Variants in DNAJC1 observed in about 807,000 individuals in gnomAD.
The protein encoded by DNAJC1 is dnaJ homolog subfamily C member 1.
Under a neutral mutation model 76.6 loss-of-function variants are expected in DNAJC1, and 58 were observed. The ratio of observed to expected loss-of-function variants is 0.76; its 90% CI spans 0.61 to 0.94. DNAJC1 has a LOEUF of 0.94. Ranked by LOEUF, DNAJC1 falls within the 40% of genes least tolerant of loss-of-function variation. The pLI is 0.00. For synonymous variants in DNAJC1, 258 were observed against 267.9 expected (o/e 0.96, Z 0.36); for missense variants, 689 against 677.3 (o/e 1.02, Z -0.19).
At chr10:21,839,656 G>A (rs563876941) in intron 8 of DNAJC1, among the ~76,000 whole-genome samples, 1 of 152,064 alleles carries the variant, frequency 6.6e-6, no homozygotes, top group Non-Finnish European at 1.5e-5. Context: ...ATTCACAGCC[G>A]AATTCTACCA....
intron 8 of DNAJC1, among the ~76,000 whole-genome samples, chr10:21,813,175 CCTCTCTCTCTCT>C (rs532971786): frequency 0.017 from 475 of 28,284 alleles, 14 homozygotes; most frequent in African/African-American, 0.047. Flanking sequence ...TCTCTCTCTC[CCTCTCTCTCTCT>C]CTCTCTCTCT....
intron 3 of DNAJC1, 123 bp from the exon 4 acceptor site, chr10:21,921,086 A>G: frequency 1.2e-6 from 1 of 826,668 alleles, no homozygotes; most frequent in Non-Finnish European, 1.8e-6. Flanking sequence ...ATGTTTATGT[A>G]CGTTCCCAGC....
At chr10:21,993,018 T>C (rs942206474) in intron 1 of DNAJC1, among the ~76,000 whole-genome samples, 2 of 152,222 alleles carry the variant, frequency 1.3e-5, no homozygotes, top group Non-Finnish European at 2.9e-5. Flanking sequence ...CTTTTGTTTC[T>C]ACGAGAGCTA....
intron 8 of DNAJC1, among the ~76,000 whole-genome samples, chr10:21,860,572 T>C (rs573756944): frequency 6.6e-5 from 10 of 152,142 alleles, no homozygotes; most frequent in African/African-American, 2.4e-4. Context: ...TGCGCACCTG[T>C]AACCTCAGCT....
At chr10:21,803,133 G>A (rs1398757108) in intron 9 of DNAJC1, among the ~76,000 whole-genome samples, 1 of 152,028 alleles carries the variant, frequency 6.6e-6, no homozygotes, top group Non-Finnish European at 1.5e-5. Flanking sequence ...GAATAAAAAG[G>A]TTTTTAACTG....
chr10:21,948,916 G>C (rs542344626), intron 1 of DNAJC1, among the ~76,000 whole-genome samples: 1 of 152,308 alleles, frequency 6.6e-6, no homozygotes, highest in Admixed American at 6.5e-5. Flanking sequence ...TTCTAGGATA[G>C]AGATGCCAGT....
chr10:21,799,374 T>C (rs976048745), intron 9 of DNAJC1, among the ~76,000 whole-genome samples: 2 of 151,956 alleles, frequency 1.3e-5, no homozygotes, highest in African/African-American at 4.8e-5. Flanking sequence ...ACATGACTCA[T>C]TGCAACCTCG....
At chr10:21,899,148 C>A (rs1246006362) in intron 7 of DNAJC1, among the ~76,000 whole-genome samples, 1 of 152,172 alleles carries the variant, frequency 6.6e-6, no homozygotes, top group Non-Finnish European at 1.5e-5. Context: ...TCAGGAGATC[C>A]CCTCAAGAGC....
At chr10:21,825,681 C>T (rs1835236419) in intron 8 of DNAJC1, among the ~76,000 whole-genome samples, 1 of 152,214 alleles carries the variant, frequency 6.6e-6, no homozygotes, top group Non-Finnish European at 1.5e-5. Flanking sequence ...TCCATGCCTT[C>T]ACATTTCTTT....
At chr10:21,807,163 G>T (rs373972116) in intron 8 of DNAJC1, among the ~76,000 whole-genome samples, 3 of 152,124 alleles carry the variant, frequency 2.0e-5, no homozygotes, top group African/African-American at 4.8e-5. Context: ...AAGAAAGAGG[G>T]AAAGAAGGAA....
chr10:21,855,541 G>A (rs1835820970), intron 8 of DNAJC1, among the ~76,000 whole-genome samples: 1 of 152,132 alleles, frequency 6.6e-6, no homozygotes, highest in Non-Finnish European at 1.5e-5. Flanking sequence ...GTAAACTAAT[G>A]AATGGTGAAA....
At chr10:21,805,358 A>G (rs931634298) in intron 9 of DNAJC1, among the ~76,000 whole-genome samples, 2 of 152,014 alleles carry the variant, frequency 1.3e-5, no homozygotes, top group Non-Finnish European at 2.9e-5. Flanking sequence ...TTTCTGCTCT[A>G]AATTTCCTCA....
At chr10:21,812,835 A>G (rs1293168430) in intron 8 of DNAJC1, among the ~76,000 whole-genome samples, 2 of 151,990 alleles carry the variant, frequency 1.3e-5, no homozygotes, top group African/African-American at 4.8e-5. Context: ...CTATGGTGTT[A>G]ACTATACAGC....
intron 8 of DNAJC1, among the ~76,000 whole-genome samples, chr10:21,862,320 G>T (rs1835928967): frequency 6.6e-6 from 1 of 151,974 alleles, no homozygotes; most frequent in African/African-American, 2.4e-5. Flanking sequence ...CTAGGATCTG[G>T]ACCTCTTTCC....
intron 1 of DNAJC1, among the ~76,000 whole-genome samples, chr10:21,972,414 T>C (rs1448332673): frequency 6.6e-6 from 1 of 151,982 alleles, no homozygotes; most frequent in Non-Finnish European, 1.5e-5. Context: ...AATCTATAAA[T>C]TTTCTACTTG....
At chr10:21,802,849 C>T (rs904584130) in intron 9 of DNAJC1, among the ~76,000 whole-genome samples, 33 of 152,044 alleles carry the variant, frequency 2.2e-4, no homozygotes, top group Admixed American at 5.9e-4. Flanking sequence ...GTTTTACATG[C>T]GAGACAGTTT....
chr10:21,889,171 G>A (rs535699402), intron 7 of DNAJC1, among the ~76,000 whole-genome samples: 27 of 152,242 alleles, frequency 1.8e-4, no homozygotes, highest in South Asian at 4.1e-4. Flanking sequence ...AGAAGGCAAA[G>A]GGAGAACAGG....
At chr10:21,775,333 T>A (rs967311733) in intron 9 of DNAJC1, among the ~76,000 whole-genome samples, 1 of 4,352 alleles carries the variant, frequency 2.3e-4, no homozygotes, top group African/African-American at 4.7e-4. Context: ...GCAAATGGCT[T>A]TTTTTTTTTT....
intron 9 of DNAJC1, among the ~76,000 whole-genome samples, chr10:21,776,686 C>G (rs1834457260): frequency 6.6e-6 from 1 of 152,056 alleles, no homozygotes; most frequent in South Asian, 2.1e-4. Flanking sequence ...TCTCTAATGT[C>G]TTTAAACTTT....
Sources: gnomAD v4.1 joint callset for allele counts (sites outside exome capture counted in the v4.1 genomes callset) on GRCh38, gnomAD v4.1.1 for gene constraint, MANE v1.5 for transcripts, NCBI Gene and HGNC (gene_info 2026-07-23, HGNC 2026-07-21) for gene names.